The following PKD1L1 variants were observed in gnomAD, a reference collection of about 807,000 sequenced individuals.
The protein encoded by PKD1L1 is polycystin 1 like 1, transient receptor potential channel interacting.
Under a neutral mutation model 323.4 loss-of-function variants are expected in PKD1L1, and 236 were observed. That is an observed-to-expected ratio of 0.73 (90% CI 0.66 to 0.81). The LOEUF is 0.81. Ranked by LOEUF, PKD1L1 falls within the 40% of genes least tolerant of loss-of-function variation. The pLI, the probability that PKD1L1 is intolerant of heterozygous loss-of-function variation, is 0.00. For missense variants in PKD1L1, 3,320 were observed against 3,508.0 expected (o/e 0.95, Z 1.35); for synonymous variants, 1,344 against 1,335.0 (o/e 1.01, Z -0.15).
Position 47,841,163 on chromosome 7 carries a change from T to C in PKD1L1, c.5446-596A>G, listed in dbSNP as rs1050225647. Among the ~76,000 whole-genome samples the C allele has an allele frequency of 3.9e-5, 6 of 152,374 alleles. No individual in the cohort carries two copies. The East Asian group carries it at 1.2e-3, about 29-fold the overall frequency. On this transcript the variant is annotated intron_variant, in intron 34 of 56. Transcript: ENST00000289672. Reference sequence around the variant, plus strand: ...CTTTGACTAGTTTCTAAACTTTGTGTTTTCACCTTTCTGTCTCTAATGTTC... The same window carrying C: ...CTTTGACTAGTTTCTAAACTTTGTGCTTTCACCTTTCTGTCTCTAATGTTC...
intron 43 of PKD1L1, 109 bp downstream of exon 43, chr7:47,829,931 C>A: frequency 9.7e-7 from 1 of 1,029,560 alleles, no homozygotes; most frequent in East Asian, 2.5e-5. Context: ...CAGCTGAAAT[C>A]AGGGTATAAA....
the PKD1L1 span, among the ~76,000 whole-genome samples, chr7:47,959,155 G>A: frequency 1.3e-5 from 2 of 151,812 alleles, no homozygotes; most frequent in East Asian, 1.9e-4. Flanking sequence ...GTGCAGTGGC[G>A]TGATCTCGGC....
chr7:47,935,713 C>A (rs1351941869), intron 4 of PKD1L1, among the ~76,000 whole-genome samples: 1 of 152,054 alleles, frequency 6.6e-6, no homozygotes, highest in Non-Finnish European at 1.5e-5. Flanking sequence ...ATGGTGCCAG[C>A]CACATGCTCT....
At position 47,885,867 on chromosome 7, in the gene PKD1L1, G is replaced by A. The variant is rs768984590; in HGVS notation, c.3024C>T (p.Thr1008=). 6.2e-7 allele frequency: 1 copy of A among 1,614,198 alleles called. No individual in the cohort carries two copies. Among genetic ancestry groups the A allele is most frequent in the African/African-American group, 1.3e-5 (1 of 75,052 alleles). The stretch of plus-strand genomic sequence containing the variant: ...AGACTCCAGTCATGGGCTCTGTGGG[G>A]GTTCCCCTTGGAGCTGAAGTGGCAG... ...GQPATSAPRG[T]PTEPMTGVYW... Residue 1008 remains threonine, a synonymous_variant, in exon 18 of 57, where the codon ACC becomes ACT. Coordinates refer to ENST00000289672, the MANE Select transcript of PKD1L1 (RefSeq NM_138295.5).
At chr7:47,835,077 C>T (rs746750602) in intron 38 of PKD1L1, 38 bp from the exon 39 acceptor site, 1 of 1,611,230 alleles carries the variant, frequency 6.2e-7, no homozygotes, top group South Asian at 1.1e-5. Flanking sequence ...AGCGTGTTCC[C>T]CAGCAATGAA....
intron 20 of PKD1L1, among the ~76,000 whole-genome samples, chr7:47,881,477 G>A (rs920682592): frequency 3.9e-5 from 6 of 152,200 alleles, no homozygotes; most frequent in Non-Finnish European, 7.3e-5. Flanking sequence ...GTATTAACAC[G>A]AAAGGGGGAA....
At chr7:47,881,025 T>A (rs139514630) in intron 20 of PKD1L1, among the ~76,000 whole-genome samples, 1 of 152,128 alleles carries the variant, frequency 6.6e-6, no homozygotes, top group East Asian at 1.9e-4. Flanking sequence ...GGTCCATCCA[T>A]CCCTGGCTCA....
chr7:47,892,860 G>A (rs367722690), intron 15 of PKD1L1, among the ~76,000 whole-genome samples: 1 of 151,908 alleles, frequency 6.6e-6, no homozygotes, highest in Admixed American at 6.6e-5. Context: ...TAGGGGAGGT[G>A]GTGTGGAACT....
rs915236177 is a variant in PKD1L1 at position 47,855,748 on chromosome 7, C to T, written c.4591-483G>A. 1.1e-3 allele frequency among the ~76,000 whole-genome samples: 142 copies of T among 126,052 alleles called. 21 individuals carry two copies. Among genetic ancestry groups the T allele is most frequent in the African/African-American group, 4.8e-3 (135 of 28,060 alleles). 82.7% of individuals were successfully genotyped at this position (126,052 alleles called of 152,430 possible). A position where few individuals can be genotyped will look rare whatever the true frequency, so the allele number is the denominator to read the frequency against. ...AAAATTAGCCGGGCGTAGTGGCGGG[C>T]GCCTGTAGTCCCAGCTACTTGGGAG... On this transcript the variant is annotated intron_variant, in intron 28 of 56. Coordinates refer to ENST00000289672, the MANE Select transcript of PKD1L1 (RefSeq NM_138295.5).
Position 47,834,975 on chromosome 7 carries a change from G to A in PKD1L1, c.6119C>T (p.Ala2040Val). The A allele has an allele frequency of 6.2e-7, 1 of 1,613,540 alleles. No homozygotes were observed. The highest frequency in any genetic ancestry group is 8.5e-7 in the Non-Finnish European group (1 of 1,179,556). The stretch of plus-strand genomic sequence containing the variant: ...TTTTAATGTACATTTACCATGGGGT[G>A]CCTCGGTCTGTGCTCCTCCTCTAAG... ...SPLRGGAQTE[A>V]PHGPNSWGRI... The change falls in exon 39 of 57, where the codon GCA becomes GTA. Residue 2040 changes from alanine to valine, a missense_variant. Coordinates refer to ENST00000289672, the MANE Select transcript of PKD1L1 (RefSeq NM_138295.5).
At chr7:47,882,192 G>A in intron 19 of PKD1L1, 107 bp from the exon 20 acceptor site, 1 of 1,122,434 alleles carries the variant, frequency 8.9e-7, no homozygotes, top group South Asian at 1.4e-5. Flanking sequence ...ACTATTGCTG[G>A]ATACCGCCTA....
chr7:47,918,066 C>G (rs1396647987), intron 7 of PKD1L1, among the ~76,000 whole-genome samples: 3 of 152,026 alleles, frequency 2.0e-5, no homozygotes, highest in Non-Finnish European at 4.4e-5. Context: ...ATTCACCAAC[C>G]AACGATCTGC....
intron 11 of PKD1L1, among the ~76,000 whole-genome samples, chr7:47,904,908 G>C (rs1787170764): frequency 6.6e-6 from 1 of 152,138 alleles, no homozygotes; most frequent in South Asian, 2.1e-4. Flanking sequence ...GGGTGGCCGA[G>C]ATAGAATTCG....
At position 47,912,322 on chromosome 7, in the gene PKD1L1, A is replaced by G. The variant is rs1012690796; in HGVS notation, c.1228+3110T>C. On this transcript the variant is annotated intron_variant, in intron 8 of 56. Transcript: ENST00000289672. ...AAACAAAAAAGATTTGAAAAGACAA[A>G]AGAGAACTAATAGATGTATGCCAGT... Among the ~76,000 whole-genome samples, 7 of 152,200 alleles carry G rather than the reference A, an allele frequency of 4.6e-5. No homozygotes were observed. The East Asian group carries it at 1.3e-3, about 29-fold the overall frequency.
intron 44 of PKD1L1, 110 bp from the exon 45 acceptor site, chr7:47,827,578 C>T (rs192578631): frequency 2.8e-4 from 254 of 894,716 alleles, no homozygotes; most frequent in Non-Finnish European, 3.1e-5. Context: ...GTGCCTTCAG[C>T]CTGGCATTTG....
intron 8 of PKD1L1, among the ~76,000 whole-genome samples, chr7:47,909,109 G>C (rs1787266523): frequency 6.6e-6 from 1 of 152,196 alleles, no homozygotes; most frequent in African/African-American, 2.4e-5. Context: ...AGGGTGGCTT[G>C]TTAACACAGC....
chr7:47,849,857 A>G (rs1341047830), intron 31 of PKD1L1, among the ~76,000 whole-genome samples: 5 of 152,230 alleles, frequency 3.3e-5, no homozygotes, highest in Non-Finnish European at 5.9e-5. Context: ...GAACAAAATA[A>G]TGGCATTTGC....
chr7:47,808,155 C>A lies in PKD1L1; in HGVS notation c.7827+92G>T, dbSNP rs73692832. 8.8e-4 allele frequency: 1,291 copies of A among 1,474,990 alleles called. 10 individuals are homozygous for A. The African/African-American group carries it at 0.016, about 18-fold the overall frequency. 91.4% of individuals were successfully genotyped at this position (1,474,990 alleles called of 1,614,324 possible). On this transcript the variant is annotated intron_variant, in intron 52 of 56. Coordinates refer to ENST00000289672, the MANE Select transcript of PKD1L1 (RefSeq NM_138295.5). ...TCTCGATATCAAACAAATCTGTTGT[C>A]TCGCACCTTCTAGAGTTTGTGTGAC...
In PKD1L1 at chr7:47,858,903, A is replaced by G; in HGVS notation, c.4150-18T>C. The G allele has an allele frequency of 1.9e-6, 3 of 1,611,312 alleles. No homozygotes were observed. The highest frequency in any genetic ancestry group is 2.5e-6 in the Non-Finnish European group (3 of 1,177,984). On this transcript the variant is annotated intron_variant, in intron 26 of 56. Coordinates refer to ENST00000289672, the MANE Select transcript of PKD1L1 (RefSeq NM_138295.5). ...AAGCCTAGCTGCATGAACAGAAAAG[A>G]TGTAAATAAAATGCCTGGCCTTGAG...
Sources: gnomAD v4.1 joint callset for allele counts (sites outside exome capture counted in the v4.1 genomes callset) on GRCh38, gnomAD v4.1.1 for gene constraint, MANE v1.5 for transcripts, NCBI Gene and HGNC (gene_info 2026-07-23, HGNC 2026-07-21) for gene names.